CDH11: variants seen among roughly 807,000 people sequenced by gnomAD.
CDH11 encodes the protein cadherin 11, also known as cadherin-11.
CDH11 carries 11 observed loss-of-function variants against 67.8 expected under a neutral mutation model. That is an observed-to-expected ratio of 0.16 (90% CI 0.10 to 0.27). The LOEUF (loss-of-function observed/expected upper bound fraction) is 0.27, where lower values mean the gene tolerates loss of function less well. Ranked by LOEUF, CDH11 falls within the 10% of genes least tolerant of loss-of-function variation. The probability of loss-of-function intolerance (pLI) is 1.00; values close to 1 mark genes in which losing one functional copy is unlikely to be tolerated. For missense variants in CDH11, 847 were observed against 1,031.2 expected (o/e 0.82, Z 2.45); for synonymous variants, 419 against 400.0 (o/e 1.05, Z -0.57).
intron 2 of CDH11, among the ~76,000 whole-genome samples, chr16:65,046,247 G>T (rs141067635): frequency 0.013 from 2,042 of 152,302 alleles, 32 homozygotes; most frequent in Non-Finnish European, 0.017. Context: ...TGTCGGAAAT[G>T]AAGTGATTAG....
chr16:65,009,180 GC>G lies in CDH11; in HGVS notation c.-172-4140del. 2.6e-5 allele frequency among the ~76,000 whole-genome samples: 4 copies of G among 152,148 alleles called. 1 individual carries two copies. In the East Asian group the frequency reaches 7.7e-4, roughly 29 times the overall value. On this transcript the variant is annotated intron_variant, in intron 2 of 12. Transcript: ENST00000268603. ...CACACTAATACAAATACACACAATA[GC>G]CTTAACATGATGATAATTTAAATTT...
Position 64,947,529 on chromosome 16 carries a change from T to C in CDH11, c.*74A>G. ...TGAGCCTTTCCTTGATTTAAAAAAA[T>C]ACCTGTTTACACATCTTCTAGATTC... is the stretch of plus-strand genomic sequence containing the variant. On this transcript the variant is annotated 3_prime_UTR_variant, in exon 13 of 13. Coordinates refer to ENST00000268603, the MANE Select transcript of CDH11 (RefSeq NM_001797.4). 6.6e-7 allele frequency: 1 copy of C among 1,520,596 alleles called. No individual in the cohort carries two copies. 94.2% of individuals were successfully genotyped at this position (1,520,596 alleles called of 1,614,324 possible).
In CDH11 at chr16:64,946,360, GTGGGGCATAGAA is replaced by G; in HGVS notation, c.*1231_*1242del. 1 of 1,026,916 alleles carries G rather than the reference GTGGGGCATAGAA, an allele frequency of 9.7e-7. No individual in the cohort carries two copies. Among genetic ancestry groups the G allele is most frequent in the Non-Finnish European group, 1.2e-6 (1 of 855,774 alleles). 63.6% of individuals were successfully genotyped at this position (1,026,916 alleles called of 1,614,324 possible). A position where few individuals can be genotyped will look rare whatever the true frequency, so the allele number is the denominator to read the frequency against. ...GTCCCCCAGTTCCCCAGTGCTCAGT[GTGGGGCATAGAA>G]TGTATACCTGGAACATTAGAGTTCT... is the stretch of plus-strand genomic sequence containing the variant. On this transcript the variant is annotated 3_prime_UTR_variant, in exon 13 of 13. Coordinates refer to ENST00000268603, the MANE Select transcript of CDH11 (RefSeq NM_001797.4).
intron 8 of CDH11, among the ~76,000 whole-genome samples, chr16:64,980,859 C>A (rs2072315230): frequency 6.6e-6 from 1 of 151,936 alleles, no homozygotes; most frequent in Non-Finnish European, 1.5e-5. Flanking sequence ...ATAAAGAAAT[C>A]CAAGCAAGAA....
At chr16:65,086,789 T>C (rs1474888496) in intron 1 of CDH11, among the ~76,000 whole-genome samples, 1 of 152,086 alleles carries the variant, frequency 6.6e-6, no homozygotes, top group Middle Eastern at 3.2e-3. Flanking sequence ...TATAAAACTC[T>C]CATAAAACAA....
At chr16:64,996,933 A>T (rs1454727419) in intron 4 of CDH11, among the ~76,000 whole-genome samples, 2 of 152,152 alleles carry the variant, frequency 1.3e-5, no homozygotes, top group African/African-American at 4.8e-5. Context: ...TCTGTTCACT[A>T]CCTGAGTGAT....
intron 1 of CDH11, among the ~76,000 whole-genome samples, chr16:65,089,405 A>G (rs2074755681): frequency 6.6e-6 from 1 of 152,214 alleles, no homozygotes; most frequent in South Asian, 2.1e-4. Flanking sequence ...ATAGAAAACG[A>G]TTTTTAAAAT....
At chr16:65,076,844 C>T (rs1056519174) in intron 1 of CDH11, among the ~76,000 whole-genome samples, 12 of 152,120 alleles carry the variant, frequency 7.9e-5, no homozygotes, top group African/African-American at 2.7e-4. Flanking sequence ...CATGTCCCTG[C>T]AAGAGACAAG....
At chr16:65,109,609 C>T (rs750485681) in intron 1 of CDH11, among the ~76,000 whole-genome samples, 88 of 152,182 alleles carry the variant, frequency 5.8e-4, no homozygotes, top group Non-Finnish European at 1.1e-3. Context: ...CCCTTTCATG[C>T]ACCCATCAAT....
chr16:64,958,031 C>T (rs2071566499), intron 11 of CDH11, among the ~76,000 whole-genome samples: 1 of 152,172 alleles, frequency 6.6e-6, no homozygotes, highest in Non-Finnish European at 1.5e-5. Context: ...ACCCTGTGAG[C>T]TCTCTACCTA....
At chr16:64,968,827 C>T (rs1039723206) in intron 11 of CDH11, among the ~76,000 whole-genome samples, 5 of 151,978 alleles carry the variant, frequency 3.3e-5, no homozygotes, top group Non-Finnish European at 7.4e-5. Flanking sequence ...ACTCAGTAGG[C>T]TATTAATAGG....
rs953517296 is a variant in CDH11 at position 64,951,018 on chromosome 16, T to C, written c.1643A>G (p.Asp548Gly). The C allele has an allele frequency of 9.9e-6, 16 of 1,611,742 alleles. No homozygotes were observed. Among genetic ancestry groups the C allele is most frequent in the Non-Finnish European group, 1.4e-5 (16 of 1,178,534 alleles). Residue 548 changes from aspartate (D) to glycine (G), a missense_variant and splice_region_variant, in exon 12 of 13, where the codon GAT (aspartate) becomes GGT (glycine). Coordinates refer to ENST00000268603, the MANE Select transcript of CDH11 (RefSeq NM_001797.4). ...CCGGGCGTACACGCCTGCTGTGTTA[T>C]CTGCAGAAAGAGGGGAGACAGGCCG... ...NPNFTVRDNR[D>G]NTAGVYARRG...
upstream of CDH11, among the ~76,000 whole-genome samples, chr16:65,122,789 G>A (rs1159572240): frequency 6.6e-6 from 1 of 152,122 alleles, no homozygotes; most frequent in Non-Finnish European, 1.5e-5. Flanking sequence ...CCCACGCAAC[G>A]CCTCGGAGAG....
intron 1 of CDH11, among the ~76,000 whole-genome samples, chr16:65,088,050 T>C (rs1020353725): frequency 6.6e-6 from 1 of 152,158 alleles, no homozygotes; most frequent in African/African-American, 2.4e-5. Flanking sequence ...TATGATGGTA[T>C]TAGAGATGGA....
chr16:65,086,572 T>C (rs1023443976), intron 1 of CDH11, among the ~76,000 whole-genome samples: 2 of 152,174 alleles, frequency 1.3e-5, no homozygotes, highest in African/African-American at 4.8e-5. Flanking sequence ...TGAGATAGCA[T>C]GGGTGAAAGC....
chr16:65,094,031 T>C (rs1373206866), intron 1 of CDH11, among the ~76,000 whole-genome samples: 2 of 152,200 alleles, frequency 1.3e-5, no homozygotes, highest in East Asian at 3.8e-4. Context: ...AGAGCTCAAA[T>C]ACTAAGGCCC....
At chr16:65,038,303 G>A (rs980438280) in intron 2 of CDH11, among the ~76,000 whole-genome samples, 1 of 152,090 alleles carries the variant, frequency 6.6e-6, no homozygotes, top group African/African-American at 2.4e-5. Context: ...CTATCCCACT[G>A]TCTGCTAGGG....
intron 1 of CDH11, among the ~76,000 whole-genome samples, chr16:65,106,723 T>C (rs1196361167): frequency 6.6e-6 from 1 of 152,164 alleles, no homozygotes; most frequent in East Asian, 1.9e-4. Flanking sequence ...TGACATGACA[T>C]TCTTGGTAGC....
At chr16:65,076,811 G>C (rs1461965663) in intron 1 of CDH11, among the ~76,000 whole-genome samples, 2 of 151,990 alleles carry the variant, frequency 1.3e-5, no homozygotes, top group Admixed American at 6.6e-5. Flanking sequence ...AATTTGCTGA[G>C]AATGATGGTT....
Sources: allele counts gnomAD v4.1 joint callset (sites outside exome capture counted in the v4.1 genomes callset), GRCh38; gene constraint gnomAD v4.1.1; transcripts MANE v1.5; gene names NCBI Gene and HGNC (gene_info 2026-07-23, HGNC 2026-07-21).